The following VAPB variants were observed in gnomAD, a reference collection of about 807,000 sequenced individuals.
VAPB encodes vesicle-associated membrane protein-associated protein B/C.
A neutral mutation model predicts 25.6 loss-of-function variants in VAPB; 7 were observed. That is an observed-to-expected ratio of 0.27 (90% CI 0.16 to 0.51). The LOEUF is 0.51. Among genes scored for constraint, VAPB ranks in the 20% least tolerant of loss-of-function variants. The pLI is 0.97. For synonymous variants in VAPB, 112 were observed against 109.2 expected, an observed-to-expected ratio of 1.03 and a Z score of -0.16; for missense variants, 266 against 301.3, an observed-to-expected ratio of 0.88 and a Z score of 0.87.
At position 58,444,394 on chromosome 20, in the gene VAPB, C is replaced by T. The variant is rs558456564; in HGVS notation, c.*159C>T. ...CCCTGCACACACATACACAGATACA[C>T]ACACACAAATATAATGTAACGATCT... On this transcript the variant is annotated 3_prime_UTR_variant, in exon 6 of 6. Transcript: ENST00000475243. 7 of 958,576 alleles carry T rather than the reference C, an allele frequency of 7.3e-6. No homozygotes were observed. The East Asian group carries it at 7.3e-5, about 10-fold the overall frequency. The allele number at this position is 958,576 out of a possible 1,614,324, so 59.4% of individuals were successfully genotyped here.
chr20:58,449,064 C>T lies in VAPB; in HGVS notation c.*4829C>T, dbSNP rs1239411659. On this transcript the variant is annotated 3_prime_UTR_variant, in exon 6 of 6. Transcript: ENST00000475243. ...TTAGCACTGCGGTTCTCCAGGATAT[C>T]AGCAAAGAGGGCAAGTAATAGAAGC... 6 of 454,018 alleles carry T rather than the reference C, an allele frequency of 1.3e-5. No homozygotes were observed. The highest frequency in any genetic ancestry group is 2.6e-5 in the Non-Finnish European group (6 of 226,808). 28.1% of individuals were successfully genotyped at this position (454,018 alleles called of 1,614,324 possible). A position where few individuals can be genotyped will look rare whatever the true frequency, so the allele number is the denominator to read the frequency against.
intron 2 of VAPB, among the ~76,000 whole-genome samples, chr20:58,433,226 C>T (rs542870553): frequency 6.6e-6 from 1 of 152,212 alleles, no homozygotes; most frequent in Admixed American, 6.5e-5. Flanking sequence ...GGGTGCTAGA[C>T]TGCACTTGTA....
intron 1 of VAPB, among the ~76,000 whole-genome samples, chr20:58,414,605 G>A (rs1459849086): frequency 3.3e-5 from 5 of 151,280 alleles, no homozygotes; most frequent in Non-Finnish European, 3.0e-5. Flanking sequence ...GGGCAGAGGC[G>A]CTCCCCACAT....
At chr20:58,397,067 A>G (rs558103736) in intron 1 of VAPB, among the ~76,000 whole-genome samples, 35 of 152,342 alleles carry the variant, frequency 2.3e-4, no homozygotes, top group African/African-American at 7.7e-4. Flanking sequence ...ATTTCTTAAG[A>G]ACATCAATTC....
rs1176612565 is a variant in VAPB, at chr20:58,445,922, G to A, written c.*1687G>A. On this transcript the variant is annotated 3_prime_UTR_variant, in exon 6 of 6. Transcript: ENST00000475243. ...ACTGTGCACAGGTTTGAGAGGACAAGTTCATCAGAAGGAAGGCAGTCCTTA... is the reference window on the plus strand; with the variant it reads ...ACTGTGCACAGGTTTGAGAGGACAAATTCATCAGAAGGAAGGCAGTCCTTA... The A allele has an allele frequency of 4.4e-6, 2 of 453,972 alleles. No individual in the cohort carries two copies. Among genetic ancestry groups the A allele is most frequent in the African/African-American group, 4.0e-5 (2 of 49,990 alleles). 28.1% of individuals were successfully genotyped at this position (453,972 alleles called of 1,614,324 possible). A position where few individuals can be genotyped will look rare whatever the true frequency, so the allele number is the denominator to read the frequency against.
intron 1 of VAPB, among the ~76,000 whole-genome samples, chr20:58,415,142 C>G (rs1475867927): frequency 6.6e-6 from 1 of 152,258 alleles, no homozygotes; most frequent in East Asian, 1.9e-4. Context: ...ATTCTAGCCC[C>G]TCTTACTGTC....
At chr20:58,422,299 C>A (rs899913605) in intron 2 of VAPB, among the ~76,000 whole-genome samples, 2 of 152,004 alleles carry the variant, frequency 1.3e-5, no homozygotes, top group Non-Finnish European at 2.9e-5. Flanking sequence ...GGTTTTGGCC[C>A]GTTGCTCCAT....
intron 5 of VAPB, among the ~76,000 whole-genome samples, chr20:58,442,588 C>T (rs1989187571): frequency 6.6e-6 from 1 of 152,192 alleles, no homozygotes; most frequent in Admixed American, 6.5e-5. Context: ...CTTTATCCTG[C>T]CAAACACTGC....
In VAPB at chr20:58,449,736, C is replaced by T; in HGVS notation, c.*5501C>T. On this transcript the variant is annotated 3_prime_UTR_variant, in exon 6 of 6. Coordinates refer to ENST00000475243, the MANE Select transcript of VAPB (RefSeq NM_004738.5). Reference sequence around the variant, plus strand: ...ATGCCCGATTACAATTGCTTTATTACACCCCAGGGCTGATGGAGATGTAAT... The same window carrying T: ...ATGCCCGATTACAATTGCTTTATTATACCCCAGGGCTGATGGAGATGTAAT... 1 of 454,090 alleles carries T rather than the reference C, an allele frequency of 2.2e-6. No homozygotes were observed. The highest frequency in any genetic ancestry group is 4.4e-6 in the Non-Finnish European group (1 of 226,798). The allele number at this position is 454,090 out of a possible 1,614,324, so 28.1% of individuals were successfully genotyped here.
chr20:58,431,480 C>T (rs1988924926), intron 2 of VAPB: 1 of 152,016 alleles, frequency 6.6e-6, no homozygotes, highest in Non-Finnish European at 1.5e-5. Context: ...GGTTTGAGCC[C>T]TGGCACTCTT....
chr20:58,396,671 CG>C (rs1223649662), intron 1 of VAPB, among the ~76,000 whole-genome samples: 5 of 151,962 alleles, frequency 3.3e-5, no homozygotes, highest in Non-Finnish European at 7.4e-5. Context: ...CCCGTTGGGT[CG>C]GGTCTGGAGT....
intron 1 of VAPB, among the ~76,000 whole-genome samples, chr20:58,412,834 G>T (rs1374119456): frequency 2.0e-5 from 3 of 152,096 alleles, no homozygotes; most frequent in Non-Finnish European, 4.4e-5. Context: ...GCTCTTGAAT[G>T]AATAATTACA....
chr20:58,419,937 TTC>T lies in VAPB; in HGVS notation c.211+1576_211+1577del, dbSNP rs1988633383. 6.6e-5 allele frequency among the ~76,000 whole-genome samples: 10 copies of T among 152,284 alleles called. No individual in the cohort carries two copies. In the South Asian group the frequency reaches 2.1e-3, roughly 32 times the overall value. ...GGTGGTTGTACAATGTTAGTGTGTT[TTC>T]TGATATAAAATATAAATATGTATGG... is the stretch of plus-strand genomic sequence containing the variant. On this transcript the variant is annotated intron_variant, in intron 2 of 5. Coordinates refer to ENST00000475243, the MANE Select transcript of VAPB (RefSeq NM_004738.5).
At chr20:58,438,911 T>TA (rs1298900569) in intron 3 of VAPB, 34 bp from the exon 4 acceptor site, 1 of 1,568,608 alleles carries the variant, frequency 6.4e-7, no homozygotes, top group Non-Finnish European at 8.8e-7. Context: ...AGCAGGTTTA[T>TA]AATATCTTGA....
chr20:58,440,652 C>G (rs1052591079), intron 4 of VAPB: 7 of 396,936 alleles, frequency 1.8e-5, no homozygotes, highest in Admixed American at 3.8e-5. Context: ...ATACACAGCC[C>G]TTTTTCTCTT....
intron 2 of VAPB, among the ~76,000 whole-genome samples, chr20:58,420,132 C>T (rs1055533836): frequency 2.6e-5 from 4 of 152,030 alleles, no homozygotes; most frequent in African/African-American, 9.7e-5. Context: ...ATTACAGGTG[C>T]GTGCCACCAC....
chr20:58,408,631 A>C (rs941953408), intron 1 of VAPB, among the ~76,000 whole-genome samples: 1 of 151,978 alleles, frequency 6.6e-6, no homozygotes, highest in African/African-American at 2.4e-5. Flanking sequence ...GCAACTTTAA[A>C]AAAAAACACC....
Position 58,444,653 on chromosome 20 carries a change from T to C in VAPB, c.*418T>C. On this transcript the variant is annotated 3_prime_UTR_variant, in exon 6 of 6. Coordinates refer to ENST00000475243, the MANE Select transcript of VAPB (RefSeq NM_004738.5). ...CAGCATGCTGGGGAGTGCGGTCAGC[T>C]CCACACAGTAGTCCCCACGTGGCCC... 1 of 454,680 alleles carries C rather than the reference T, an allele frequency of 2.2e-6. No homozygotes were observed. Among genetic ancestry groups the C allele is most frequent in the Non-Finnish European group, 4.4e-6 (1 of 227,196 alleles). 28.2% of individuals were successfully genotyped at this position (454,680 alleles called of 1,614,324 possible). A position where few individuals can be genotyped will look rare whatever the true frequency, so the allele number is the denominator to read the frequency against.
chr20:58,406,141 A>G (rs1433045283), intron 1 of VAPB, among the ~76,000 whole-genome samples: 1 of 152,224 alleles, frequency 6.6e-6, no homozygotes, highest in East Asian at 1.9e-4. Context: ...TACACTTGCA[A>G]CGAGAGATGT....
Sources: gnomAD v4.1 joint callset for allele counts (sites outside exome capture counted in the v4.1 genomes callset) on GRCh38, gnomAD v4.1.1 for gene constraint, MANE v1.5 for transcripts, NCBI Gene and HGNC (gene_info 2026-07-23, HGNC 2026-07-21) for gene names.